SVOP: variants seen among roughly 807,000 people sequenced by gnomAD.
SVOP encodes the protein SV2 related protein.
Under a neutral mutation model 69.1 loss-of-function variants are expected in SVOP, and 17 were observed. The observed-to-expected ratio is 0.25, with a 90% CI of 0.17 to 0.37. SVOP has a LOEUF of 0.37. Ranked by LOEUF, SVOP falls within the 10% of genes least tolerant of loss-of-function variation. The pLI, the probability that SVOP is intolerant of heterozygous loss-of-function variation, is 1.00. For missense variants in SVOP, 435 were observed against 597.5 expected (o/e 0.73, Z 2.84); for synonymous variants, 238 against 238.6 (o/e 1.00, Z 0.02).
At chr12:108,926,014 G>A (rs1006368187) in intron 11 of SVOP, among the ~76,000 whole-genome samples, 1 of 151,704 alleles carries the variant, frequency 6.6e-6, no homozygotes, top group African/African-American at 2.4e-5. Context: ...GAATTCCTGG[G>A]CTCAAGCAAT....
At chr12:108,991,549 G>A (rs1433254785) in intron 1 of SVOP, among the ~76,000 whole-genome samples, 3 of 151,898 alleles carry the variant, frequency 2.0e-5, no homozygotes, top group Non-Finnish European at 4.4e-5. Flanking sequence ...TCTGCCTCCC[G>A]AGTTCAAGCA....
At chr12:109,010,740 G>A (rs1452120621) in intron 1 of SVOP, among the ~76,000 whole-genome samples, 2 of 152,198 alleles carry the variant, frequency 1.3e-5, no homozygotes, top group African/African-American at 4.8e-5. Flanking sequence ...TGAGCTAAGC[G>A]ATTCTCCTGC....
chr12:108,958,036 T>C (rs1199901241), intron 6 of SVOP, among the ~76,000 whole-genome samples: 1 of 152,248 alleles, frequency 6.6e-6, no homozygotes, highest in Non-Finnish European at 1.5e-5. Context: ...AGACCACATA[T>C]ATGATGGTGG....
chr12:108,969,173 C>T (rs2040063844), intron 5 of SVOP, among the ~76,000 whole-genome samples: 1 of 152,118 alleles, frequency 6.6e-6, no homozygotes, highest in Non-Finnish European at 1.5e-5. Context: ...GGCTGCTCAG[C>T]TCCATCAAAA....
At chr12:108,940,963 G>A in intron 7 of SVOP, 54 bp from the exon 8 acceptor site, 1 of 1,510,086 alleles carries the variant, frequency 6.6e-7, no homozygotes, top group Non-Finnish European at 8.9e-7. Context: ...CATACAGAGA[G>A]GAATTATGGG....
intron 5 of SVOP, among the ~76,000 whole-genome samples, chr12:108,968,175 G>A (rs1271495664): frequency 6.6e-6 from 1 of 152,214 alleles, no homozygotes; most frequent in African/African-American, 2.4e-5. Flanking sequence ...AAGGAGGTCT[G>A]GTTCTCATCC....
chr12:108,950,656 A>T (rs889790431), intron 6 of SVOP, among the ~76,000 whole-genome samples: 1 of 152,190 alleles, frequency 6.6e-6, no homozygotes, highest in African/African-American at 2.4e-5. Flanking sequence ...AAGTGCTGGG[A>T]TTGCAGGCAT....
At chr12:108,937,238 C>G (rs1187418640) in intron 10 of SVOP, 26 bp downstream of exon 10, 1 of 1,613,268 alleles carries the variant, frequency 6.2e-7, no homozygotes, top group Admixed American at 1.7e-5. Flanking sequence ...GGAAAGGGGT[C>G]AAAGTGGTCA....
intron 1 of SVOP, 139 bp from the exon 2 acceptor site, chr12:108,983,900 T>C (rs1593199296): frequency 1.3e-5 from 5 of 397,566 alleles, no homozygotes; most frequent in East Asian, 3.6e-5. Flanking sequence ...AGCATTTCTA[T>C]TGATTTGGAC....
At chr12:108,956,692 C>T (rs1185305581) in intron 6 of SVOP, among the ~76,000 whole-genome samples, 2 of 152,198 alleles carry the variant, frequency 1.3e-5, no homozygotes, top group Non-Finnish European at 2.9e-5. Flanking sequence ...CCTGAGGGCT[C>T]ACACAATGTC....
chr12:108,997,431 A>C (rs111321842), intron 1 of SVOP, among the ~76,000 whole-genome samples: 2 of 151,194 alleles, frequency 1.3e-5, no homozygotes, highest in Non-Finnish European at 3.0e-5. Context: ...CAAAGCAGCC[A>C]GGAAGCTCGA....
intron 12 of SVOP, among the ~76,000 whole-genome samples, chr12:108,920,803 G>T (rs2039744078): frequency 6.6e-6 from 1 of 151,884 alleles, no homozygotes; most frequent in South Asian, 2.1e-4. Context: ...TCATCATTTG[G>T]CCAGGCTGCT....
chr12:108,938,716 G>T, intron 9 of SVOP, 111 bp downstream of exon 9: 1 of 1,534,132 alleles, frequency 6.5e-7, no homozygotes, highest in Non-Finnish European at 8.9e-7. Flanking sequence ...CCCCACCTTG[G>T]GTACACATAC....
chr12:108,915,353 C>A (rs1025761420), intron 15 of SVOP, among the ~76,000 whole-genome samples: 2 of 152,046 alleles, frequency 1.3e-5, no homozygotes, highest in African/African-American at 4.8e-5. Context: ...CCTTCCCAGT[C>A]GAGTGGTCCC....
chr12:108,957,356 AT>A (rs2039991381), intron 6 of SVOP, among the ~76,000 whole-genome samples: 1 of 151,928 alleles, frequency 6.6e-6, no homozygotes, highest in African/African-American at 2.4e-5. Context: ...TAGAGACGGG[AT>A]TTCACTGTGT....
intron 6 of SVOP, among the ~76,000 whole-genome samples, chr12:108,959,417 G>A (rs146501362): frequency 2.1e-5 from 3 of 143,948 alleles, no homozygotes; most frequent in Admixed American, 7.3e-5. Context: ...GCAGCAGTAC[G>A]ATCTTGGCTC....
rs972663839 is a variant in SVOP at position 108,954,369 on chromosome 12, A to G, written c.578+6554T>C. Among the ~76,000 whole-genome samples, 11 of 152,322 alleles carry G rather than the reference A, an allele frequency of 7.2e-5. No homozygotes were observed. In the East Asian group the frequency reaches 1.9e-3, roughly 27 times the overall value. ...AGTGTCTGGAATGTAATGATAGCTC[A>G]ATAAACACATGGAAGGGCTACAGTA... On this transcript the variant is annotated intron_variant, in intron 6 of 15. Transcript: ENST00000610966.
At chr12:108,922,588 A>T in intron 12 of SVOP, 102 bp downstream of exon 12, 1 of 813,510 alleles carries the variant, frequency 1.2e-6, no homozygotes, top group Non-Finnish European at 2.1e-6. Flanking sequence ...GCTGACTAAA[A>T]ATGGGATTTG....
chr12:108,992,740 G>A (rs2040209271), intron 1 of SVOP, among the ~76,000 whole-genome samples: 1 of 152,180 alleles, frequency 6.6e-6, no homozygotes, highest in Non-Finnish European at 1.5e-5. Context: ...CTAGGGGATT[G>A]CCAGGGAATG....
Sources: allele counts gnomAD v4.1 joint callset (sites outside exome capture counted in the v4.1 genomes callset), GRCh38; gene constraint gnomAD v4.1.1; transcripts MANE v1.5; gene names NCBI Gene and HGNC (gene_info 2026-07-23, HGNC 2026-07-21).